Variants in CACNB4 observed in about 807,000 individuals in gnomAD.
The protein encoded by CACNB4 is voltage-dependent L-type calcium channel subunit beta-4.
CACNB4 carries 32 observed loss-of-function variants against 71.2 expected under a neutral mutation model. The ratio of observed to expected loss-of-function variants is 0.45; its 90% CI spans 0.34 to 0.60. The LOEUF (loss-of-function observed/expected upper bound fraction) is 0.60, where lower values mean the gene tolerates loss of function less well. Among genes scored for constraint, CACNB4 ranks in the 20% least tolerant of loss-of-function variants. The probability of loss-of-function intolerance (pLI) is 0.01; values close to 1 mark genes in which losing one functional copy is unlikely to be tolerated. For synonymous variants in CACNB4, 231 were observed against 236.9 expected (o/e 0.97, Z 0.23); for missense variants, 464 against 647.9 (o/e 0.72, Z 3.08).
intron 2 of CACNB4, among the ~76,000 whole-genome samples, chr2:151,961,785 A>T (rs942004238): frequency 3.3e-5 from 5 of 152,078 alleles, no homozygotes; most frequent in African/African-American, 1.2e-4. Flanking sequence ...CAGCTACTCA[A>T]GAGAATGAGG....
intron 2 of CACNB4, among the ~76,000 whole-genome samples, chr2:151,899,515 A>G (rs1280758295): frequency 6.6e-6 from 1 of 152,210 alleles, no homozygotes; most frequent in Non-Finnish European, 1.5e-5. Context: ...TTCTGTACAC[A>G]TAGTAGAGAA....
chr2:151,950,079 T>C (rs776449292), intron 2 of CACNB4, among the ~76,000 whole-genome samples: 4 of 151,236 alleles, frequency 2.6e-5, no homozygotes, highest in Non-Finnish European at 5.9e-5. Flanking sequence ...AAATAGAAAA[T>C]AGTCTTCTGA....
chr2:151,849,309 G>A (rs984121061), intron 12 of CACNB4, among the ~76,000 whole-genome samples: 3 of 152,152 alleles, frequency 2.0e-5, no homozygotes, highest in Admixed American at 6.5e-5. Flanking sequence ...GTCGGGTAGA[G>A]TGCAGTGGCA....
intron 2 of CACNB4, among the ~76,000 whole-genome samples, chr2:152,052,326 A>T (rs1359353539): frequency 6.6e-6 from 1 of 152,216 alleles, no homozygotes; most frequent in African/African-American, 2.4e-5. Flanking sequence ...TTTGAGACAG[A>T]GTCTCACTCT....
chr2:151,842,320 CT>C (rs35662354), intron 12 of CACNB4, among the ~76,000 whole-genome samples: 7,708 of 67,552 alleles, frequency 0.11, 307 homozygotes, highest in African/African-American at 0.27. Context: ...ATATTTGGAT[CT>C]TTTTTTTTTT....
Position 151,997,549 on chromosome 2 carries a change from A to G in CACNB4, c.147+100781T>C, listed in dbSNP as rs188901361. Among the ~76,000 whole-genome samples, 200 of 151,834 alleles carry G rather than the reference A, an allele frequency of 1.3e-3. 1 individual carries two copies. The highest frequency in any genetic ancestry group is 6.8e-3 in the Middle Eastern group (2 of 294). On this transcript the variant is annotated intron_variant, in intron 2 of 13. Coordinates refer to ENST00000539935, the MANE Select transcript of CACNB4 (RefSeq NM_000726.5). Reference sequence around the variant, plus strand: ...ACTCTGTCTCAAAAAAAAAGAGACGAAGGGGACAAAGGGGAGAAGACACAG... The same window carrying G: ...ACTCTGTCTCAAAAAAAAAGAGACGGAGGGGACAAAGGGGAGAAGACACAG...
chr2:151,929,063 C>G (rs2099860979), intron 2 of CACNB4, among the ~76,000 whole-genome samples: 1 of 152,124 alleles, frequency 6.6e-6, no homozygotes, highest in Admixed American at 6.6e-5. Context: ...GCATTCCAAC[C>G]CAGAGCTTTG....
intron 2 of CACNB4, among the ~76,000 whole-genome samples, chr2:151,945,532 T>C (rs1359171294): frequency 3.3e-5 from 5 of 152,026 alleles, no homozygotes; most frequent in Non-Finnish European, 5.9e-5. Context: ...TGTGCCATAG[T>C]CATAGCTACT....
chr2:151,990,767 C>T (rs1019400544), intron 2 of CACNB4, among the ~76,000 whole-genome samples: 1 of 152,164 alleles, frequency 6.6e-6, no homozygotes, highest in African/African-American at 2.4e-5. Flanking sequence ...AGGAAGCAGT[C>T]AGTTGATTAC....
At chr2:151,872,718 T>C (rs1320677652) in intron 5 of CACNB4, 1 of 390,486 alleles carries the variant, frequency 2.6e-6, no homozygotes, top group Non-Finnish European at 4.6e-6. Context: ...AAGCATCTCT[T>C]CTAGTTACTC....
chr2:151,963,605 A>T (rs540749552), intron 2 of CACNB4, among the ~76,000 whole-genome samples: 29 of 152,218 alleles, frequency 1.9e-4, no homozygotes, highest in Non-Finnish European at 3.2e-4. Context: ...AAAAAGGTTG[A>T]ACTAAATTGG....
intron 2 of CACNB4, among the ~76,000 whole-genome samples, chr2:151,988,969 C>A (rs940514235): frequency 6.6e-6 from 1 of 152,208 alleles, no homozygotes. Flanking sequence ...TACCTCATCT[C>A]TCTTCTTTTA....
At chr2:151,902,674 T>C (rs759721969) in intron 2 of CACNB4, among the ~76,000 whole-genome samples, 12 of 144,466 alleles carry the variant, frequency 8.3e-5, no homozygotes, top group Non-Finnish European at 1.9e-4. Flanking sequence ...GGTATAAGAT[T>C]TTCTGTCTTA....
chr2:151,844,944 T>G (rs2099837149), intron 12 of CACNB4, among the ~76,000 whole-genome samples: 1 of 152,232 alleles, frequency 6.6e-6, no homozygotes, highest in African/African-American at 2.4e-5. Flanking sequence ...ATCATTTTCT[T>G]GCTGTTTCTT....
chr2:152,053,109 T>G (rs1182250385), intron 2 of CACNB4, among the ~76,000 whole-genome samples: 5 of 152,152 alleles, frequency 3.3e-5, no homozygotes, highest in Non-Finnish European at 5.9e-5. Context: ...ACTATAGTTT[T>G]GAATATAAAA....
At chr2:151,845,504 C>T (rs779099884) in intron 12 of CACNB4, among the ~76,000 whole-genome samples, 16 of 152,106 alleles carry the variant, frequency 1.1e-4, no homozygotes, top group Non-Finnish European at 1.8e-4. Context: ...AAAAATCATA[C>T]AAGAAATGCA....
chr2:152,026,969 T>G (rs1220633184), intron 2 of CACNB4, among the ~76,000 whole-genome samples: 1 of 151,692 alleles, frequency 6.6e-6, no homozygotes, highest in Admixed American at 6.6e-5. Flanking sequence ...TGCAGTGGTG[T>G]AATCTCAGCT....
rs75904859 is a variant in CACNB4, at chr2:152,047,175, T to C, written c.147+51155A>G. On this transcript the variant is annotated intron_variant, in intron 2 of 13. Transcript: ENST00000539935. Reference sequence around the variant, plus strand: ...ACATTAGACTCACGAGATGCTTGGTTCCCTATAGAAACTAAAAATAACATC... The same window carrying C: ...ACATTAGACTCACGAGATGCTTGGTCCCCTATAGAAACTAAAAATAACATC... Among the ~76,000 whole-genome samples, 6 of 152,322 alleles carry C rather than the reference T, an allele frequency of 3.9e-5. No homozygotes were observed. The East Asian group carries it at 1.2e-3, about 29-fold the overall frequency.
At chr2:151,862,995 G>A (rs1021237838) in intron 9 of CACNB4, among the ~76,000 whole-genome samples, 1 of 151,978 alleles carries the variant, frequency 6.6e-6, no homozygotes, top group African/African-American at 2.4e-5. Flanking sequence ...GTTGGCCACT[G>A]CAGCTTTCAG....
Sources: allele counts gnomAD v4.1 joint callset (sites outside exome capture counted in the v4.1 genomes callset), GRCh38; gene constraint gnomAD v4.1.1; transcripts MANE v1.5; gene names NCBI Gene and HGNC (gene_info 2026-07-23, HGNC 2026-07-21).